Variants in SVEP1 observed in about 807,000 individuals in gnomAD.
SVEP1 encodes sushi, von Willebrand factor type A, EGF and pentraxin domain containing 1.
Under a neutral mutation model 367.3 loss-of-function variants are expected in SVEP1, and 164 were observed. The ratio of observed to expected loss-of-function variants is 0.45; its 90% CI spans 0.39 to 0.51. SVEP1 has a LOEUF of 0.51. Ranked by LOEUF, SVEP1 falls within the 20% of genes least tolerant of loss-of-function variation. The pLI, the probability that SVEP1 is intolerant of heterozygous loss-of-function variation, is 0.00. For missense variants in SVEP1, 4,117 were observed against 4,425.3 expected (o/e 0.93, Z 1.98); for synonymous variants, 1,666 against 1,611.6 (o/e 1.03, Z -0.81).
intron 36 of SVEP1, among the ~76,000 whole-genome samples, chr9:110,413,747 A>G (rs1404046242): frequency 6.6e-6 from 1 of 151,990 alleles, no homozygotes; most frequent in Non-Finnish European, 1.5e-5. Context: ...ATACAGTATT[A>G]GAATAATTAT....
chr9:110,461,591 G>A (rs1229248547), intron 18 of SVEP1, among the ~76,000 whole-genome samples: 4 of 151,330 alleles, frequency 2.6e-5, no homozygotes, highest in Non-Finnish European at 2.9e-5. Context: ...TTTTTTAATT[G>A]ATTTGAGAAA....
intron 18 of SVEP1, among the ~76,000 whole-genome samples, chr9:110,460,990 C>G (rs561126066): frequency 1.8e-4 from 27 of 152,232 alleles, no homozygotes; most frequent in African/African-American, 5.1e-4. Flanking sequence ...ATTCCCTTTA[C>G]CACCCCTACT....
intron 22 of SVEP1, among the ~76,000 whole-genome samples, chr9:110,452,750 G>A (rs1828712784): frequency 6.6e-6 from 1 of 152,174 alleles, no homozygotes; most frequent in Non-Finnish European, 1.5e-5. Context: ...AGGTAAAATA[G>A]GCATATTTCT....
At chr9:110,464,021 T>C (rs1490346290) in intron 18 of SVEP1, among the ~76,000 whole-genome samples, 1 of 152,118 alleles carries the variant, frequency 6.6e-6, no homozygotes, top group Non-Finnish European at 1.5e-5. Context: ...TCAAGGTTTA[T>C]TTAGAAAGCT....
chr9:110,369,432 A>G (rs1827244245), intron 47 of SVEP1, among the ~76,000 whole-genome samples: 1 of 152,230 alleles, frequency 6.6e-6, no homozygotes, highest in South Asian at 2.1e-4. Flanking sequence ...TATCAATTCA[A>G]TACTATTTTT....
intron 45 of SVEP1, chr9:110,376,800 A>T (rs1480317792): frequency 6.6e-6 from 1 of 152,660 alleles, no homozygotes; most frequent in East Asian, 1.9e-4. Context: ...CCAAGTATGG[A>T]TATAGGAGTG....
rs187187837 is a variant in SVEP1, at chr9:110,460,301, T to A, written c.3323-1188A>T. On this transcript the variant is annotated intron_variant, in intron 18 of 47. Transcript: ENST00000374469. ...TAATTGCTACCTTTTGAATTTTGAG[T>A]TTTTTTGTTCATTATATCTAAAGAT... Among the ~76,000 whole-genome samples the A allele has an allele frequency of 1.4e-5, 2 of 143,868 alleles. 1 individual carries two copies. Among genetic ancestry groups the A allele is most frequent in the Admixed American group, 1.4e-4 (2 of 13,890 alleles). The allele number at this position is 143,868 out of a possible 152,430, so 94.4% of individuals were successfully genotyped here.
intron 36 of SVEP1, among the ~76,000 whole-genome samples, chr9:110,414,025 G>A (rs1268214274): frequency 6.6e-6 from 1 of 151,980 alleles, no homozygotes; most frequent in Admixed American, 6.6e-5. Context: ...TCAGAATTTG[G>A]TTGATCAGTT....
intron 14 of SVEP1, among the ~76,000 whole-genome samples, chr9:110,472,938 C>T (rs1396398198): frequency 1.3e-5 from 2 of 152,096 alleles, no homozygotes; most frequent in Admixed American, 6.5e-5. Context: ...TGTGGCTTCT[C>T]GATGTAGGCT....
intron 23 of SVEP1, among the ~76,000 whole-genome samples, 161 bp downstream of exon 23, chr9:110,451,128 C>T (rs1470569914): frequency 6.6e-6 from 1 of 152,136 alleles, no homozygotes; most frequent in Non-Finnish European, 1.5e-5. Context: ...CCCCAAACCC[C>T]TCAGTGTGTA....
chr9:110,455,882 TA>T (rs1828769685), intron 21 of SVEP1, among the ~76,000 whole-genome samples, 179 bp from the exon 22 acceptor site: 1 of 152,200 alleles, frequency 6.6e-6, no homozygotes. Context: ...TACCTCTTTC[TA>T]AACAAATTTA....
chr9:110,516,227 T>C (rs1362820076), intron 3 of SVEP1, among the ~76,000 whole-genome samples: 1 of 150,248 alleles, frequency 6.7e-6, no homozygotes, highest in Non-Finnish European at 1.5e-5. Flanking sequence ...TAAAACATTA[T>C]AATAAACTAA....
intron 27 of SVEP1, among the ~76,000 whole-genome samples, chr9:110,438,387 C>T (rs1279232832): frequency 6.6e-6 from 1 of 151,718 alleles, no homozygotes; most frequent in East Asian, 1.9e-4. Flanking sequence ...GATGGGGTTT[C>T]GCCCACCCTC....
At chr9:110,402,025 TGTAA>T (rs1255382398) in intron 39 of SVEP1, among the ~76,000 whole-genome samples, 1 of 152,122 alleles carries the variant, frequency 6.6e-6, no homozygotes, top group African/African-American at 2.4e-5. Context: ...TTTTCAATAT[TGTAA>T]GTAATGCCTT....
intron 43 of SVEP1, among the ~76,000 whole-genome samples, chr9:110,384,151 G>A (rs1430081296): frequency 6.6e-6 from 1 of 152,162 alleles, no homozygotes; most frequent in Non-Finnish European, 1.5e-5. Flanking sequence ...GGGACCTAAG[G>A]CCCTGGTGGC....
intron 15 of SVEP1, 81 bp downstream of exon 15, chr9:110,472,078 C>A (rs994850695): frequency 1.7e-5 from 23 of 1,359,726 alleles, no homozygotes; most frequent in Non-Finnish European, 2.3e-5. Context: ...ATAATGATAA[C>A]AAATGGAAGA....
chr9:110,571,016 G>T (rs1190813862), intron 1 of SVEP1, among the ~76,000 whole-genome samples: 4 of 135,688 alleles, frequency 2.9e-5, no homozygotes, highest in Non-Finnish European at 4.6e-5. Flanking sequence ...TTGCACTGTC[G>T]CCTGGGCTGG....
chr9:110,380,636 A>C (rs968897613), intron 43 of SVEP1, among the ~76,000 whole-genome samples: 2 of 152,020 alleles, frequency 1.3e-5, no homozygotes, highest in Non-Finnish European at 2.9e-5. Context: ...TCATCGGGGA[A>C]ATTGGCCTGA....
At position 110,408,945 on chromosome 9, in the gene SVEP1, T is replaced by C. The variant is rs1202817070; in HGVS notation, c.6655A>G (p.Thr2219Ala). The stretch of plus-strand genomic sequence containing the variant: ...ACTTCACTCTCAAAGATCCTGCCAG[T>C]TGTATGCTGTGCAACAGGAAGAAAG... The part of the protein sequence containing the change: ...KVENGFLEHT[T>A]GRIFESEVRY... The change falls in exon 38 of 48, where the codon ACT (threonine) becomes GCT (alanine). Residue 2219 changes from threonine to alanine, a missense_variant. Thr to Ala is a moderately conservative substitution (Grantham distance 58). Around this residue, in one of 4 missense-constraint regions of SVEP1, gnomAD observed 1,765 missense variants for 1,781.1 expected, o/e 0.99. Coordinates refer to ENST00000374469, the MANE Select transcript of SVEP1 (RefSeq NM_153366.4). 2 of 1,572,570 alleles carry C rather than the reference T, an allele frequency of 1.3e-6. No homozygotes were observed. Among genetic ancestry groups the C allele is most frequent in the South Asian group, 2.4e-5 (2 of 83,276 alleles).
Sources: allele counts gnomAD v4.1 joint callset (sites outside exome capture counted in the v4.1 genomes callset), GRCh38; gene constraint gnomAD v4.1.1; regional missense constraint gnomAD v4.1.1; transcripts MANE v1.5; gene names NCBI Gene and HGNC (gene_info 2026-07-23, HGNC 2026-07-21).